LRRK1: variants seen among roughly 807,000 people sequenced by gnomAD.
LRRK1 encodes leucine rich repeat kinase 1, also known as leucine-rich repeat serine/threonine-protein kinase 1.
LRRK1 carries 113 observed loss-of-function variants against 209.1 expected under a neutral mutation model. That is an observed-to-expected ratio of 0.54 (90% CI 0.46 to 0.63). LRRK1 has a LOEUF of 0.63. Among genes scored for constraint, LRRK1 ranks in the 30% least tolerant of loss-of-function variants. The pLI is 0.00. For missense variants in LRRK1, 2,284 were observed against 2,632.2 expected, an observed-to-expected ratio of 0.87 and a Z score of 2.89; for synonymous variants, 1,144 against 1,099.7, an observed-to-expected ratio of 1.04 and a Z score of -0.80.
Position 101,059,088 on chromosome 15 carries a change from T to C in LRRK1, c.4679+947T>C, listed in dbSNP as rs146834474. Among the ~76,000 whole-genome samples, 81 of 152,298 alleles carry C rather than the reference T, an allele frequency of 5.3e-4. 4 individuals are homozygous for C. In the East Asian group the frequency reaches 8.3e-3, roughly 16 times the overall value. On this transcript the variant is annotated intron_variant, in intron 29 of 33. Transcript: ENST00000388948. ...GACACAGACGTACTCTAAGAAATGA[T>C]GCTGTAAGGAAGTTTTTCTGACCAG...
chr15:100,992,648 T>C lies in LRRK1; in HGVS notation c.762+3250T>C, dbSNP rs556257928. The stretch of plus-strand genomic sequence containing the variant: ...AAAACCCTCTTCATATGGTTGTTTT[T>C]GGGGTTTTGTTTTGTTTTGTTTCTG... On this transcript the variant is annotated intron_variant, in intron 6 of 33. Transcript: ENST00000388948. 5.3e-5 allele frequency among the ~76,000 whole-genome samples: 8 copies of C among 150,936 alleles called. No homozygotes were observed. In the East Asian group the frequency reaches 1.5e-3, roughly 29 times the overall value.
In LRRK1 at chr15:101,023,169, C is replaced by T. The variant is rs73488847; in HGVS notation, c.2067+572C>T. Among the ~76,000 whole-genome samples the T allele has an allele frequency of 6.8e-3, 1,035 of 152,194 alleles. 11 individuals carry two copies. The highest frequency in any genetic ancestry group is 0.024 in the African/African-American group (991 of 41,536). ...AGCACTCTGGGACTTAACACCCTGC[C>T]GTCCCTGACACCTGCTTTCACCCCA... is the stretch of plus-strand genomic sequence containing the variant. On this transcript the variant is annotated intron_variant, in intron 15 of 33. Transcript: ENST00000388948.
intron 2 of LRRK1, among the ~76,000 whole-genome samples, chr15:100,949,327 G>A (rs2042601167): frequency 6.6e-6 from 1 of 152,106 alleles, no homozygotes; most frequent in Non-Finnish European, 1.5e-5. Flanking sequence ...GACTCAAGAA[G>A]AAGTAGAAAA....
intron 3 of LRRK1, among the ~76,000 whole-genome samples, chr15:100,978,680 T>G (rs1448343116): frequency 3.3e-5 from 5 of 152,206 alleles, no homozygotes. Flanking sequence ...CCTTGAAAAG[T>G]AGAAATTACC....
chr15:101,020,340 A>G (rs1013746682), intron 12 of LRRK1, among the ~76,000 whole-genome samples: 3 of 150,884 alleles, frequency 2.0e-5, no homozygotes, highest in African/African-American at 7.3e-5. Flanking sequence ...CTGCTACACT[A>G]ATAAGCCTTC....
chr15:101,014,561 T>A (rs2033439477), intron 11 of LRRK1, 133 bp downstream of exon 11: 3 of 673,590 alleles, frequency 4.5e-6, no homozygotes, highest in Non-Finnish European at 7.8e-6. Context: ...ACAACAGAAA[T>A]CACTGCCTCA....
At position 101,027,831 on chromosome 15, in the gene LRRK1, G is replaced by A. The variant is rs372154067; in HGVS notation, c.2686+34G>A. On this transcript the variant is annotated intron_variant, in intron 19 of 33. Coordinates refer to ENST00000388948, the MANE Select transcript of LRRK1 (RefSeq NM_024652.6). This position sits in a 1 kb window ranked among gnomAD's most constrained non-coding sequence, Gnocchi z 5.1. ...GGCTGGGGTAGGTGGCAGGGTGCCC[G>A]TGAGAAATGGAACTGTCTGTACTTG... 3.7e-5 allele frequency: 56 copies of A among 1,528,526 alleles called. No individual in the cohort carries two copies. Among genetic ancestry groups the A allele is most frequent in the Middle Eastern group, 1.7e-4 (1 of 5,846 alleles). The allele number at this position is 1,528,526 out of a possible 1,614,324, so 94.7% of individuals were successfully genotyped here.
chr15:101,023,614 A>G (rs1455136238), intron 15 of LRRK1, among the ~76,000 whole-genome samples: 1 of 152,176 alleles, frequency 6.6e-6, no homozygotes, highest in Non-Finnish European at 1.5e-5. Context: ...ACTGTGGAAA[A>G]CTGAGGAGGC....
chr15:100,941,314 C>CTT (rs1567190695), intron 2 of LRRK1, among the ~76,000 whole-genome samples: 2 of 7,392 alleles, frequency 2.7e-4, no homozygotes, highest in Non-Finnish European at 6.2e-4. Flanking sequence ...GTGTGTGTGT[C>CTT]TGTGTGTGTG....
rs1179791606 is a variant in LRRK1, at chr15:101,027,717, A to G, written c.2606A>G (p.Tyr869Cys). 6.2e-7 allele frequency: 1 copy of G among 1,612,138 alleles called. No homozygotes were observed. The highest frequency in any genetic ancestry group is 1.7e-5 in the Admixed American group (1 of 59,750). ...QRRSRDDDVQYLTDRQLEQLV... is the reference protein window; with the variant it reads ...QRRSRDDDVQCLTDRQLEQLV... ...CGCAGCCGGGACGACGACGTGCAGT[A>G]CCTGACGGACAGGCAGCTGGAGCAG... is the stretch of plus-strand genomic sequence containing the variant. Residue 869 changes from tyrosine to cysteine, a missense_variant, in exon 19 of 34, where the codon TAC becomes TGC. This residue lies in a region of LRRK1 where 780 missense variants were observed against 985.2 expected (regional missense o/e 0.79). Transcript: ENST00000388948. This position sits in a 1 kb window ranked among gnomAD's most constrained non-coding sequence, Gnocchi z 5.1.
chr15:101,018,232 A>G lies in LRRK1; in HGVS notation c.1610-2821A>G, dbSNP rs191314938. 1.8e-3 allele frequency among the ~76,000 whole-genome samples: 267 copies of G among 152,172 alleles called. 1 individual carries two copies. The highest frequency in any genetic ancestry group is 5.9e-3 in the African/African-American group (245 of 41,556). ...TAGGCAAAAAAAATGGGCAAGGGAT[A>G]TAAACAATTTTCAGAAAAGGAAGTC... is the stretch of plus-strand genomic sequence containing the variant. On this transcript the variant is annotated intron_variant, in intron 12 of 33. Coordinates refer to ENST00000388948, the MANE Select transcript of LRRK1 (RefSeq NM_024652.6).
intron 8 of LRRK1, 48 bp downstream of exon 8, chr15:101,010,625 A>G: frequency 6.3e-7 from 1 of 1,592,258 alleles, no homozygotes; most frequent in Non-Finnish European, 8.5e-7. Context: ...TCTTCTTGGT[A>G]GGGATATTTT....
At chr15:100,957,453 G>A (rs1246059931) in intron 2 of LRRK1, among the ~76,000 whole-genome samples, 1 of 151,976 alleles carries the variant, frequency 6.6e-6, no homozygotes, top group Non-Finnish European at 1.5e-5. Flanking sequence ...GTTAATATTT[G>A]CTTTACTTAT....
rs367913612 is a variant in LRRK1 at position 101,009,067 on chromosome 15, G to A, written c.989+4G>A. ...CGGACGAAATCATCTGTTCCAGGTGGCTCCCCGGGGTGTGACCGGAGCCGT... is the reference window on the plus strand; with the variant it reads ...CGGACGAAATCATCTGTTCCAGGTGACTCCCCGGGGTGTGACCGGAGCCGT... On this transcript the variant is annotated splice_donor_region_variant and intron_variant, in intron 7 of 33. Transcript: ENST00000388948. The A allele has an allele frequency of 4.8e-5, 77 of 1,609,270 alleles. No homozygotes were observed. The Middle Eastern group carries it at 5.0e-4, about 10-fold the overall frequency.
chr15:100,929,142 C>G (rs1214298346), intron 2 of LRRK1, among the ~76,000 whole-genome samples: 4 of 152,194 alleles, frequency 2.6e-5, no homozygotes, highest in African/African-American at 7.2e-5. Flanking sequence ...TCCCGCCAGC[C>G]AAGGAGAGCT....
intron 31 of LRRK1, chr15:101,064,293 C>T (rs2036389758): frequency 6.5e-6 from 1 of 153,328 alleles, no homozygotes; most frequent in African/African-American, 2.4e-5. Context: ...AGCCAGCCTC[C>T]TGAGCTCCCC....
intron 6 of LRRK1, among the ~76,000 whole-genome samples, chr15:101,005,458 A>G (rs567232914): frequency 1.1e-4 from 17 of 152,292 alleles, no homozygotes; most frequent in East Asian, 1.9e-4. Flanking sequence ...AAGATGAGGG[A>G]AAAAAACCCC....
chr15:101,066,852 C>A, intron 33 of LRRK1, 111 bp downstream of exon 33: 1 of 977,652 alleles, frequency 1.0e-6, no homozygotes, highest in Non-Finnish European at 1.6e-6. Context: ...TCCCAAATAG[C>A]ATAGCCACTA....
Position 101,053,290 on chromosome 15 carries a change from C to T in LRRK1, c.3924C>T (p.Ala1308=), listed in dbSNP as rs775175379. The T allele has an allele frequency of 2.5e-6, 4 of 1,606,476 alleles. No individual in the cohort carries two copies. Among genetic ancestry groups the T allele is most frequent in the East Asian group, 2.2e-5 (1 of 44,874 alleles). The change falls in exon 26 of 34, where the codon GCC becomes GCT. Residue 1308 remains alanine, a synonymous_variant. Coordinates refer to ENST00000388948, the MANE Select transcript of LRRK1 (RefSeq NM_024652.6). ...ACTTCTCCGAGTTCCGGCAGGAGGC[C>T]AGCATGCTGCACGCGCTGCAGCACC... ...MKNFSEFRQE[A]SMLHALQHPC...
Sources: gnomAD v4.1 joint callset for allele counts (sites outside exome capture counted in the v4.1 genomes callset) on GRCh38, gnomAD v4.1.1 for gene constraint, gnomAD v4.1.1 regional missense constraint, Gnocchi (gnomAD v3.1) non-coding constraint, MANE v1.5 for transcripts, NCBI Gene and HGNC (gene_info 2026-07-23, HGNC 2026-07-21) for gene names.